TACC1: variants seen among roughly 807,000 people sequenced by gnomAD.
The protein encoded by TACC1 is transforming acidic coiled-coil containing protein 1.
TACC1 carries 48 observed loss-of-function variants against 84.4 expected under a neutral mutation model. That is an observed-to-expected ratio of 0.57 (90% confidence interval 0.45 to 0.72). The LOEUF (loss-of-function observed/expected upper bound fraction) is 0.72. Ranked by LOEUF, TACC1 falls within the 30% of genes least tolerant of loss-of-function variation. TACC1 has a pLI of 0.00. For synonymous variants in TACC1, 372 were observed against 376.3 expected (o/e 0.99, Z 0.13); for missense variants, 920 against 973.0 (o/e 0.95, Z 0.72).
At chr8:38,791,060 T>A (rs2152007261) in intron 2 of TACC1, among the ~76,000 whole-genome samples, 1 of 152,304 alleles carries the variant, frequency 6.6e-6, no homozygotes, top group East Asian at 1.9e-4. Context: ...AAGACACATG[T>A]TAAGGAGCTG....
chr8:38,806,741 G>A (rs986440722), intron 2 of TACC1, among the ~76,000 whole-genome samples: 6 of 152,196 alleles, frequency 3.9e-5, no homozygotes, highest in Non-Finnish European at 5.9e-5. Flanking sequence ...TGGAATATGC[G>A]GTTCTCTTCT....
intron 2 of TACC1, among the ~76,000 whole-genome samples, chr8:38,818,361 C>G (rs2152191807): frequency 6.6e-6 from 1 of 152,310 alleles, no homozygotes; most frequent in South Asian, 2.1e-4. Context: ...GATATTATAA[C>G]CAATTCACTG....
intron 3 of TACC1, 92 bp from the exon 4 acceptor site, chr8:38,825,216 T>C (rs560334798): frequency 7.3e-7 from 1 of 1,367,358 alleles, no homozygotes; most frequent in East Asian, 2.3e-5. Flanking sequence ...CTTTGGCTTC[T>C]ATCCGCACAC....
chr8:38,843,222 C>A, intron 10 of TACC1, 67 bp from the exon 11 acceptor site: 1 of 1,083,460 alleles, frequency 9.2e-7, no homozygotes, highest in South Asian at 1.8e-5. Context: ...AAAATGAAAA[C>A]TCTGATATGT....
At chr8:38,731,752 C>CAAT (rs1465780904) in intron 1 of TACC1, among the ~76,000 whole-genome samples, 1 of 151,734 alleles carries the variant, frequency 6.6e-6, no homozygotes, top group Non-Finnish European at 1.5e-5. Context: ...ACAACAACAA[C>CAAT]AACAACAACA....
intron 3 of TACC1, among the ~76,000 whole-genome samples, chr8:38,748,726 A>T (rs1460699971): frequency 6.6e-5 from 10 of 152,174 alleles, no homozygotes; most frequent in Admixed American, 6.5e-4. Flanking sequence ...CACAAGAGAG[A>T]TTGAAAATAT....
intron 2 of TACC1, 46 bp from the exon 3 acceptor site, chr8:38,819,476 A>G: frequency 1.9e-6 from 3 of 1,550,910 alleles, no homozygotes; most frequent in Non-Finnish European, 2.6e-6. Context: ...GATACTTACC[A>G]GTGACAGATA....
chr8:38,831,036 C>T (rs745886011), intron 5 of TACC1, 89 bp from the exon 6 acceptor site: 94 of 1,139,390 alleles, frequency 8.3e-5, no homozygotes, highest in Non-Finnish European at 1.2e-4. Flanking sequence ...AAGTCATTCT[C>T]GCCTGCACTG....
At chr8:38,842,003 G>A (rs556095036) in intron 9 of TACC1, among the ~76,000 whole-genome samples, 1 of 152,108 alleles carries the variant, frequency 6.6e-6, no homozygotes, top group East Asian at 1.9e-4. Flanking sequence ...TAGCTGTATG[G>A]CTCACATCCT....
intron 3 of TACC1, among the ~76,000 whole-genome samples, chr8:38,748,618 A>T (rs543257959): frequency 6.6e-6 from 1 of 152,330 alleles, no homozygotes. Flanking sequence ...CAATGAAATT[A>T]AATTGGAAAC....
At chr8:38,837,581 G>C (rs983894845) in intron 7 of TACC1, among the ~76,000 whole-genome samples, 1 of 152,146 alleles carries the variant, frequency 6.6e-6, no homozygotes, top group East Asian at 1.9e-4. Context: ...ACGCACCACT[G>C]TCCCTGGCCA....
chr8:38,759,982 A>G (rs1214570603), intron 3 of TACC1, among the ~76,000 whole-genome samples: 2 of 152,164 alleles, frequency 1.3e-5, no homozygotes, highest in African/African-American at 2.4e-5. Flanking sequence ...GCTGACCTCA[A>G]GGAAGTTCTC....
chr8:38,840,393 A>G (rs930599086), intron 9 of TACC1, 126 bp downstream of exon 9: 21 of 812,160 alleles, frequency 2.6e-5, no homozygotes, highest in Non-Finnish European at 3.9e-5. Flanking sequence ...ATAGCTCTGG[A>G]GACAGGAGAG....
chr8:38,735,637 G>A (rs560794306), intron 1 of TACC1, among the ~76,000 whole-genome samples: 51 of 152,264 alleles, frequency 3.3e-4, no homozygotes, highest in African/African-American at 1.2e-3. Flanking sequence ...TGACCCTTCA[G>A]GCCTAAGGCA....
At position 38,819,651 on chromosome 8, in the gene TACC1, G is replaced by T. The variant is rs769551065; in HGVS notation, c.407G>T (p.Arg136Ile). The T allele has an allele frequency of 6.2e-7, 1 of 1,614,234 alleles. No individual in the cohort carries two copies. Among genetic ancestry groups the T allele is most frequent in the Non-Finnish European group, 8.5e-7 (1 of 1,180,044 alleles). Residue 136 changes from arginine (R) to isoleucine (I), a missense_variant, in exon 3 of 13, where the codon AGA becomes ATA. Arg to Ile is a moderately conservative substitution (Grantham distance 97). This residue lies in a region of TACC1 where 762 missense variants were observed against 747.3 expected (regional missense o/e 1.02). Coordinates refer to ENST00000317827, the MANE Select transcript of TACC1 (RefSeq NM_006283.3). ...AIDSHSVKNF[R>I]EEPEHDFSKI... ...GACTCTCACTCAGTCAAGAATTTCA[G>T]AGAAGAACCTGAACATGATTTTAGC... is the stretch of plus-strand genomic sequence containing the variant.
chr8:38,760,122 T>C (rs939549396), intron 3 of TACC1, among the ~76,000 whole-genome samples: 1 of 152,250 alleles, frequency 6.6e-6, no homozygotes, highest in Admixed American at 6.5e-5. Context: ...TTCACAATGT[T>C]CACAATTTGT....
In TACC1 at chr8:38,852,183, C is replaced by G. The variant is rs552284446; in HGVS notation, c.*4160C>G. The G allele has an allele frequency of 3.4e-6, 1 of 290,062 alleles. No individual in the cohort carries two copies. The highest frequency in any genetic ancestry group is 2.2e-5 in the African/African-American group (1 of 46,062). The allele number at this position is 290,062 out of a possible 1,614,324, so 18.0% of individuals were successfully genotyped here. A position where few individuals can be genotyped will look rare whatever the true frequency, so the allele number is the denominator to read the frequency against. ...CAAATGCAATCCCATTTCTGTGCCTCTTAGCATGCAGTTAGATTTGGACAA... is the reference window on the plus strand; with the variant it reads ...CAAATGCAATCCCATTTCTGTGCCTGTTAGCATGCAGTTAGATTTGGACAA... On this transcript the variant is annotated 3_prime_UTR_variant, in exon 13 of 13. Transcript: ENST00000317827.
intron 3 of TACC1, among the ~76,000 whole-genome samples, chr8:38,750,152 C>G (rs1297509428): frequency 6.6e-6 from 1 of 152,002 alleles, no homozygotes; most frequent in Admixed American, 6.6e-5. Context: ...CCACTGCATT[C>G]CAGCCTGGGC....
chr8:38,738,400 T>C (rs765594735), intron 1 of TACC1, among the ~76,000 whole-genome samples: 5 of 152,232 alleles, frequency 3.3e-5, no homozygotes, highest in Non-Finnish European at 5.9e-5. Flanking sequence ...TGAGCCACCA[T>C]GCCTGGCTAC....
Sources: gnomAD v4.1 joint callset for allele counts (sites outside exome capture counted in the v4.1 genomes callset) on GRCh38, gnomAD v4.1.1 for gene constraint, gnomAD v4.1.1 regional missense constraint, MANE v1.5 for transcripts, NCBI Gene and HGNC (gene_info 2026-07-23, HGNC 2026-07-21) for gene names.